The following DGKI variants were observed in gnomAD, a reference collection of about 807,000 sequenced individuals.
DGKI encodes DAG kinase iota.
In DGKI, 55 loss-of-function variants were observed where a neutral mutation model predicts 147.5. That is an observed-to-expected ratio of 0.37 (90% CI 0.30 to 0.47). The LOEUF is 0.47. Among genes scored for constraint, DGKI ranks in the 20% least tolerant of loss-of-function variants. The pLI is 1.00. For synonymous variants in DGKI, 469 were observed against 477.1 expected, an observed-to-expected ratio of 0.98 and a Z score of 0.22; for missense variants, 1,007 against 1,323.8, an observed-to-expected ratio of 0.76 and a Z score of 3.71.
intron 1 of DGKI, among the ~76,000 whole-genome samples, chr7:137,807,374 A>AT (rs1797413453): frequency 6.6e-6 from 1 of 152,262 alleles, no homozygotes; most frequent in Admixed American, 6.5e-5. Flanking sequence ...TCATAATGAC[A>AT]TCTAGGTACA....
At chr7:137,738,259 G>T (rs144683837) in intron 1 of DGKI, among the ~76,000 whole-genome samples, 1 of 152,078 alleles carries the variant, frequency 6.6e-6, no homozygotes, top group African/African-American at 2.4e-5. Context: ...AGCAGATCTC[G>T]AGGGCTGGAC....
intron 21 of DGKI, among the ~76,000 whole-genome samples, chr7:137,505,248 T>A (rs1304837279): frequency 6.6e-6 from 1 of 152,126 alleles, no homozygotes; most frequent in African/African-American, 2.4e-5. Context: ...AGAAGGAAGC[T>A]GGTTGTCCCA....
chr7:137,681,372 T>G (rs1823230720), intron 2 of DGKI, among the ~76,000 whole-genome samples: 1 of 152,170 alleles, frequency 6.6e-6, no homozygotes, highest in Non-Finnish European at 1.5e-5. Context: ...ACCCTAAAAG[T>G]TTTCAGATAG....
At chr7:137,429,249 C>T (rs1351637355) in intron 28 of DGKI, among the ~76,000 whole-genome samples, 2 of 151,168 alleles carry the variant, frequency 1.3e-5, no homozygotes, top group African/African-American at 4.8e-5. Flanking sequence ...AATAACACCA[C>T]ATATCTACAA....
chr7:137,724,294 C>T (rs899052856), intron 1 of DGKI, among the ~76,000 whole-genome samples: 1 of 152,034 alleles, frequency 6.6e-6, no homozygotes, highest in African/African-American at 2.4e-5. Context: ...CTTGGATTTT[C>T]TAAGGGCAAA....
At chr7:137,561,339 C>A (rs957222545) in intron 19 of DGKI, among the ~76,000 whole-genome samples, 3 of 152,048 alleles carry the variant, frequency 2.0e-5, no homozygotes, top group African/African-American at 7.2e-5. Flanking sequence ...ACCACACATT[C>A]TCGTTAATTT....
intron 21 of DGKI, among the ~76,000 whole-genome samples, chr7:137,519,698 A>T (rs1056612887): frequency 1.3e-5 from 2 of 152,048 alleles, no homozygotes; most frequent in African/African-American, 4.8e-5. Flanking sequence ...ATGAATCTGT[A>T]TTCTGTTTCA....
intron 16 of DGKI, among the ~76,000 whole-genome samples, chr7:137,577,669 G>A (rs1054030437): frequency 9.9e-5 from 15 of 152,122 alleles, no homozygotes; most frequent in Non-Finnish European, 2.1e-4. Flanking sequence ...CATAAACTAC[G>A]TATGCAGCTC....
intron 30 of DGKI, among the ~76,000 whole-genome samples, chr7:137,407,237 G>T (rs1388372634): frequency 6.6e-6 from 1 of 152,164 alleles, no homozygotes; most frequent in African/African-American, 2.4e-5. Context: ...ATATGTTTAT[G>T]CTTCCAAAGG....
At chr7:137,827,251 A>G (rs1389333842) in intron 1 of DGKI, among the ~76,000 whole-genome samples, 1 of 152,128 alleles carries the variant, frequency 6.6e-6, no homozygotes, top group Non-Finnish European at 1.5e-5. Context: ...CTGAGTATGG[A>G]GCATCACTTA....
At chr7:137,641,999 G>C (rs970693385) in intron 6 of DGKI, among the ~76,000 whole-genome samples, 1 of 152,084 alleles carries the variant, frequency 6.6e-6, no homozygotes, top group African/African-American at 2.4e-5. Flanking sequence ...CATAAATTTT[G>C]ACTGAATGAA....
intron 6 of DGKI, among the ~76,000 whole-genome samples, chr7:137,633,286 TC>T (rs1343635159): frequency 2.0e-5 from 3 of 146,610 alleles, no homozygotes; most frequent in Non-Finnish European, 4.5e-5. Flanking sequence ...GTTCCACAAA[TC>T]CATCAGTATT....
chr7:137,464,861 T>C (rs964403398), intron 26 of DGKI, among the ~76,000 whole-genome samples: 1 of 152,244 alleles, frequency 6.6e-6, no homozygotes, highest in Non-Finnish European at 1.5e-5. Flanking sequence ...TTTGGGCACA[T>C]TGTGTATGGT....
intron 1 of DGKI, among the ~76,000 whole-genome samples, chr7:137,732,121 A>G (rs893051309): frequency 3.3e-5 from 5 of 152,050 alleles, no homozygotes; most frequent in African/African-American, 9.7e-5. Flanking sequence ...TACCATCTAT[A>G]TAAATATTAG....
chr7:137,585,435 A>G (rs1053828146), intron 13 of DGKI, 89 bp from the exon 14 acceptor site: 7 of 1,467,546 alleles, frequency 4.8e-6, no homozygotes, highest in African/African-American at 2.8e-5. Flanking sequence ...CCAAGCCGTT[A>G]TATTGTTTAT....
At chr7:137,722,887 G>T (rs1390261698) in intron 1 of DGKI, 11 of 526,616 alleles carry the variant, frequency 2.1e-5, no homozygotes, top group African/African-American at 1.4e-4. Context: ...AGTTGACTAC[G>T]TTAAAAAAAA....
intron 27 of DGKI, among the ~76,000 whole-genome samples, chr7:137,451,824 TTTC>T (rs1383135970): frequency 6.6e-6 from 1 of 151,958 alleles, no homozygotes; most frequent in Non-Finnish European, 1.5e-5. Flanking sequence ...TCCAGTTTTC[TTTC>T]TTTTTATTTT....
At chr7:137,694,008 C>T (rs556621920) in intron 1 of DGKI, among the ~76,000 whole-genome samples, 1 of 152,294 alleles carries the variant, frequency 6.6e-6, no homozygotes, top group East Asian at 1.9e-4. Context: ...GGCATATACT[C>T]TTCATAAATA....
chr7:137,750,054 G>T (rs891711786), intron 1 of DGKI, among the ~76,000 whole-genome samples: 1 of 152,148 alleles, frequency 6.6e-6, no homozygotes, highest in African/African-American at 2.4e-5. Context: ...CTGGCATCAG[G>T]GAGACCCAGT....
Sources: allele counts gnomAD v4.1 joint callset (sites outside exome capture counted in the v4.1 genomes callset), GRCh38; gene constraint gnomAD v4.1.1; transcripts MANE v1.5; gene names NCBI Gene and HGNC (gene_info 2026-07-23, HGNC 2026-07-21).